The following ATF1 variants were observed in gnomAD, a reference collection of about 807,000 sequenced individuals.
The protein encoded by ATF1 is activating transcription factor 1.
ATF1 carries 16 observed loss-of-function variants against 34.7 expected under a neutral mutation model. That is an observed-to-expected ratio of 0.46 (90% CI 0.31 to 0.70). ATF1 has a LOEUF of 0.70. Among genes scored for constraint, ATF1 ranks in the 30% least tolerant of loss-of-function variants. The pLI, the probability that ATF1 is intolerant of heterozygous loss-of-function variation, is 0.05. For missense variants in ATF1, 255 were observed against 321.6 expected, an observed-to-expected ratio of 0.79 and a Z score of 1.58; for synonymous variants, 105 against 113.1, an observed-to-expected ratio of 0.93 and a Z score of 0.46.
Position 50,820,753 on chromosome 12 carries a change from G to C in ATF1, c.*974G>C, listed in dbSNP as rs1941934273. 5.6e-6 allele frequency: 1 copy of C among 179,496 alleles called. No homozygotes were observed. The highest frequency in any genetic ancestry group is 1.2e-5 in the Non-Finnish European group (1 of 83,558). 11.1% of individuals were successfully genotyped at this position (179,496 alleles called of 1,614,324 possible). On this transcript the variant is annotated 3_prime_UTR_variant, in exon 7 of 7. Transcript: ENST00000262053. Reference sequence around the variant, plus strand: ...TAGTTATTAAGGCAATTTTATGTTAGAGACTATTTTGTAATGTAGTGAGTG... The same window carrying C: ...TAGTTATTAAGGCAATTTTATGTTACAGACTATTTTGTAATGTAGTGAGTG...
At chr12:50,818,455 TAAAAC>T (rs1941886113) in intron 6 of ATF1, among the ~76,000 whole-genome samples, 1 of 152,262 alleles carries the variant, frequency 6.6e-6, no homozygotes, top group East Asian at 1.9e-4. Context: ...GGAAACCACT[TAAAAC>T]AAACAAACAA....
chr12:50,797,760 T>C (rs906471689), intron 3 of ATF1, among the ~76,000 whole-genome samples: 1 of 152,120 alleles, frequency 6.6e-6, no homozygotes, highest in African/African-American at 2.4e-5. Context: ...CATGAGCCAC[T>C]GTACTCAGGC....
At chr12:50,786,398 G>C (rs553045094) in intron 2 of ATF1, among the ~76,000 whole-genome samples, 32 of 152,322 alleles carry the variant, frequency 2.1e-4, no homozygotes, top group Admixed American at 3.9e-4. Flanking sequence ...TAAAGTCCAA[G>C]TGTAGGCAAG....
At chr12:50,774,879 C>T (rs1940875163) in intron 1 of ATF1, among the ~76,000 whole-genome samples, 2 of 151,556 alleles carry the variant, frequency 1.3e-5, no homozygotes, top group South Asian at 2.1e-4. Context: ...TCCCGAGTAG[C>T]TGGGACTACA....
At chr12:50,813,022 CTG>C (rs762095931) in intron 4 of ATF1, among the ~76,000 whole-genome samples, 27 of 152,088 alleles carry the variant, frequency 1.8e-4, no homozygotes, top group Non-Finnish European at 3.1e-4. Flanking sequence ...TGTTTCATAA[CTG>C]TAATCTGAAA....
chr12:50,764,560 G>C (rs1940580174), intron 1 of ATF1: 1 of 152,448 alleles, frequency 6.6e-6, no homozygotes, highest in Non-Finnish European at 1.5e-5. Flanking sequence ...TAAAAGTAAA[G>C]CCCGAAACCG....
intron 2 of ATF1, among the ~76,000 whole-genome samples, chr12:50,794,241 C>T (rs1185935147): frequency 2.6e-5 from 4 of 151,606 alleles, no homozygotes; most frequent in Non-Finnish European, 5.9e-5. Context: ...TGAGCCACCG[C>T]GCCTGGCCTG....
At chr12:50,818,521 TAC>T (rs1465986138) in intron 6 of ATF1, among the ~76,000 whole-genome samples, 1 of 152,240 alleles carries the variant, frequency 6.6e-6, no homozygotes, top group Admixed American at 6.5e-5. Flanking sequence ...AAAGATTTTG[TAC>T]AGTCCTTTTA....
At chr12:50,815,590 T>C (rs1941828122) in intron 6 of ATF1, among the ~76,000 whole-genome samples, 1 of 151,562 alleles carries the variant, frequency 6.6e-6, no homozygotes, top group Non-Finnish European at 1.5e-5. Context: ...GGTTTTGCCA[T>C]GTTGCTTAGG....
At chr12:50,786,070 T>C (rs576115275) in intron 2 of ATF1, among the ~76,000 whole-genome samples, 2 of 152,108 alleles carry the variant, frequency 1.3e-5, no homozygotes, top group Non-Finnish European at 2.9e-5. Context: ...CTAAAATCTG[T>C]TGGGCAGACC....
At chr12:50,796,150 C>A (rs894476501) in intron 3 of ATF1, 141 bp downstream of exon 3, 6 of 688,652 alleles carry the variant, frequency 8.7e-6, no homozygotes, top group African/African-American at 5.6e-5. Flanking sequence ...ATAATCCCAA[C>A]CCTTTCGGAG....
intron 2 of ATF1, among the ~76,000 whole-genome samples, chr12:50,787,880 G>T (rs919715613): frequency 6.6e-6 from 1 of 152,196 alleles, no homozygotes; most frequent in Non-Finnish European, 1.5e-5. Context: ...AAAGGAAAGG[G>T]CAGGGAGAAA....
chr12:50,795,783 CTTTAGA>C (rs1941395904), intron 2 of ATF1, 120 bp from the exon 3 acceptor site: 1 of 740,850 alleles, frequency 1.3e-6, no homozygotes, highest in East Asian at 2.8e-5. Flanking sequence ...TTCTTTTAGA[CTTTAGA>C]TTTAATGTAC....
At chr12:50,766,892 G>A (rs1940650272) in intron 1 of ATF1, among the ~76,000 whole-genome samples, 1 of 152,310 alleles carries the variant, frequency 6.6e-6, no homozygotes, top group East Asian at 1.9e-4. Flanking sequence ...GAGGCCACAT[G>A]TTGAAACTCC....
chr12:50,770,006 T>C (rs537268195), intron 1 of ATF1, among the ~76,000 whole-genome samples: 155 of 152,356 alleles, frequency 1.0e-3, no homozygotes, highest in African/African-American at 3.7e-3. Flanking sequence ...AAAATGTTGC[T>C]GATCCTTTGT....
intron 4 of ATF1, among the ~76,000 whole-genome samples, chr12:50,811,691 G>C (rs189165504): frequency 6.6e-6 from 1 of 151,652 alleles, no homozygotes; most frequent in East Asian, 1.9e-4. Flanking sequence ...CTACTCGGGA[G>C]GCTGAAATGG....
chr12:50,813,426 A>G (rs1592202933), intron 4 of ATF1, among the ~76,000 whole-genome samples: 1 of 152,176 alleles, frequency 6.6e-6, no homozygotes, highest in Admixed American at 6.5e-5. Flanking sequence ...CATGTTATCT[A>G]TTCAGAAATA....
chr12:50,818,577 A>G (rs866647668), intron 6 of ATF1, among the ~76,000 whole-genome samples: 1 of 152,198 alleles, frequency 6.6e-6, no homozygotes, highest in African/African-American at 2.4e-5. Context: ...ATCTACATAT[A>G]TAGCATAAAA....
intron 1 of ATF1, among the ~76,000 whole-genome samples, chr12:50,778,755 T>A (rs1286901646): frequency 6.6e-6 from 1 of 152,038 alleles, no homozygotes; most frequent in African/African-American, 2.4e-5. Flanking sequence ...CCCTGGCTAA[T>A]TTTTTTTGTA....
Sources: allele counts gnomAD v4.1 joint callset (sites outside exome capture counted in the v4.1 genomes callset), GRCh38; gene constraint gnomAD v4.1.1; transcripts MANE v1.5; gene names NCBI Gene and HGNC (gene_info 2026-07-23, HGNC 2026-07-21).